Variants in LRRC7 observed in about 807,000 individuals in gnomAD.
LRRC7 encodes the protein leucine-rich repeat-containing protein 7.
Under a neutral mutation model 175.7 loss-of-function variants are expected in LRRC7, and 23 were observed. The ratio of observed to expected loss-of-function variants is 0.13; its 90% CI spans 0.09 to 0.19. LRRC7 has a LOEUF of 0.19. LRRC7 is among the 10% of genes least tolerant of loss of function. The pLI is 1.00. For synonymous variants in LRRC7, 685 were observed against 680.9 expected (o/e 1.01, Z -0.09); for missense variants, 1,354 against 1,904.7 (o/e 0.71, Z 5.38).
chr1:69,834,454 C>A (rs1012981588), intron 5 of LRRC7, among the ~76,000 whole-genome samples: 1 of 152,088 alleles, frequency 6.6e-6, no homozygotes, highest in African/African-American at 2.4e-5. Context: ...ACAAGCCAAA[C>A]AACTTGAGAT....
intron 26 of LRRC7, among the ~76,000 whole-genome samples, chr1:70,108,669 G>T (rs1449282332): frequency 6.6e-6 from 1 of 152,156 alleles, no homozygotes; most frequent in East Asian, 1.9e-4. Context: ...GCTGATATTT[G>T]ACCATCTGCA....
Position 70,131,195 on chromosome 1 carries a change from C to T in LRRC7, c.*9308C>T, listed in dbSNP as rs1273790402. Among the ~76,000 whole-genome samples the T allele has an allele frequency of 1.3e-5, 2 of 152,172 alleles. No homozygotes were observed. The highest frequency in any genetic ancestry group is 2.4e-5 in the African/African-American group (1 of 41,440). On this transcript the variant is annotated 3_prime_UTR_variant, in exon 27 of 27. Coordinates refer to ENST00000651989, the MANE Select transcript of LRRC7 (RefSeq NM_001370785.2). ...TAGAGATAGAATCTGGCCTGTTGAT[C>T]TCAAAGTAGAAAGAAAGCATGCTAT...
chr1:70,107,970 A>G, intron 26 of LRRC7, 144 bp downstream of exon 26: 1 of 717,594 alleles, frequency 1.4e-6, no homozygotes, highest in Non-Finnish European at 2.4e-6. Context: ...TGGGGCTGAA[A>G]GTCAAGTCAA....
At position 69,928,287 on chromosome 1, in the gene LRRC7, G is replaced by A. The variant is rs538510820; in HGVS notation, c.648-3220G>A. Among the ~76,000 whole-genome samples, 32 of 152,272 alleles carry A rather than the reference G, an allele frequency of 2.1e-4. No homozygotes were observed. The South Asian group carries it at 3.9e-3, about 19-fold the overall frequency. ...ACCCACTTGAGGAGGCAGTCTGCCC[G>A]TTCTCAGATCTCCAGCTGCGTGCTG... On this transcript the variant is annotated intron_variant, in intron 7 of 26. Coordinates refer to ENST00000651989, the MANE Select transcript of LRRC7 (RefSeq NM_001370785.2).
intron 22 of LRRC7, among the ~76,000 whole-genome samples, chr1:70,047,858 T>C (rs568765388): frequency 7.9e-5 from 12 of 152,152 alleles, no homozygotes; most frequent in Non-Finnish European, 1.3e-4. Context: ...TTCATTTATT[T>C]AGATGCTTAT....
intron 11 of LRRC7, among the ~76,000 whole-genome samples, chr1:69,998,533 A>G (rs1404555985): frequency 1.3e-5 from 2 of 152,176 alleles, no homozygotes; most frequent in Non-Finnish European, 2.9e-5. Context: ...AAAAGTAATT[A>G]TCTTTATCAG....
intron 8 of LRRC7, among the ~76,000 whole-genome samples, chr1:69,974,773 A>G (rs1652635668): frequency 6.6e-6 from 1 of 152,196 alleles, no homozygotes; most frequent in Non-Finnish European, 1.5e-5. Context: ...AACACATTTT[A>G]TTATAACATC....
chr1:69,788,553 C>G (rs1674757268), intron 3 of LRRC7, among the ~76,000 whole-genome samples: 1 of 152,186 alleles, frequency 6.6e-6, no homozygotes, highest in South Asian at 2.1e-4. Flanking sequence ...AGATTCAAGT[C>G]TCCTCATGTT....
rs11473590 is a variant in LRRC7 at position 69,617,547 on chromosome 1, T to TAAAAAAAAAAAAAAAAAAAAAAA, written c.2+48909_2+48931dup. ...GCTGAAGGTTGTTATATACTCACAGTAAAAAAAAAAAAAAAAAAAAAAAAA... is the reference window on the plus strand; with the variant it reads ...GCTGAAGGTTGTTATATACTCACAGTAAAAAAAAAAAAAAAAAAAAAAAAAAAAAAAAAAAAAAAAAAAAAAAA... On this transcript the variant is annotated intron_variant, in intron 1 of 26. Transcript: ENST00000651989. Among the ~76,000 whole-genome samples the TAAAAAAAAAAAAAAAAAAAAAAA allele has an allele frequency of 1.7e-3, 108 of 62,002 alleles. 9 individuals are homozygous for TAAAAAAAAAAAAAAAAAAAAAAA. The highest frequency in any genetic ancestry group is 0.016 in the Middle Eastern group (1 of 62). 40.7% of individuals were successfully genotyped at this position (62,002 alleles called of 152,430 possible).
intron 1 of LRRC7, among the ~76,000 whole-genome samples, chr1:69,592,549 G>A (rs61384003): frequency 3.3e-5 from 5 of 151,890 alleles, no homozygotes; most frequent in Non-Finnish European, 7.4e-5. Flanking sequence ...GGCGAAGATC[G>A]CCTGATTTGA....
rs1666966023 is a variant in LRRC7 at position 70,138,875 on chromosome 1, G to C, written c.*16988G>C. 6.6e-6 allele frequency: 1 copy of C among 152,170 alleles called. No individual in the cohort carries two copies. The highest frequency in any genetic ancestry group is 2.4e-5 in the African/African-American group (1 of 41,438). The allele number at this position is 152,170 out of a possible 1,614,324, so 9.4% of individuals were successfully genotyped here. A position where few individuals can be genotyped will look rare whatever the true frequency, so the allele number is the denominator to read the frequency against. On this transcript the variant is annotated 3_prime_UTR_variant, in exon 27 of 27. Coordinates refer to ENST00000651989, the MANE Select transcript of LRRC7 (RefSeq NM_001370785.2). ...GTCTTCCTCCAGGCATCAGCTACCT[G>C]ATTTTAAAGAGACCATATTAGAAAT... is the stretch of plus-strand genomic sequence containing the variant.
At chr1:69,571,602 G>A (rs1645741460) in intron 1 of LRRC7, among the ~76,000 whole-genome samples, 1 of 151,950 alleles carries the variant, frequency 6.6e-6, no homozygotes, top group Non-Finnish European at 1.5e-5. Context: ...CAAAAACTTG[G>A]TCTTGTTAAT....
intron 1 of LRRC7, among the ~76,000 whole-genome samples, chr1:69,591,253 C>A (rs1040150824): frequency 2.0e-5 from 3 of 152,016 alleles, no homozygotes; most frequent in African/African-American, 7.2e-5. Context: ...ACAATCAATG[C>A]CAAACAAACA....
In LRRC7 at chr1:70,007,296, T is replaced by G. The variant is rs148634842; in HGVS notation, c.1005-4501T>G. Among the ~76,000 whole-genome samples the G allele has an allele frequency of 2.6e-4, 40 of 152,276 alleles. No individual in the cohort carries two copies. In the East Asian group the frequency reaches 5.8e-3, roughly 22 times the overall value. On this transcript the variant is annotated intron_variant, in intron 11 of 26. Transcript: ENST00000651989. ...GTTTTAGGAATTCTGTGCCAAGAAC[T>G]GGATGAAGGTCAAATATGTATTTCT...
intron 2 of LRRC7, among the ~76,000 whole-genome samples, chr1:69,698,117 C>G (rs1184871401): frequency 6.6e-6 from 1 of 152,196 alleles, no homozygotes; most frequent in Non-Finnish European, 1.5e-5. Context: ...AGCAACAAGT[C>G]TGTCCTCTCC....
chr1:69,650,673 G>A (rs530492300), intron 1 of LRRC7, among the ~76,000 whole-genome samples: 8 of 152,000 alleles, frequency 5.3e-5, no homozygotes, highest in African/African-American at 1.4e-4. Context: ...TGATACACAC[G>A]TCTTTAAGCT....
intron 1 of LRRC7, among the ~76,000 whole-genome samples, chr1:69,626,317 T>G (rs1232442436): frequency 2.0e-5 from 3 of 151,700 alleles, no homozygotes; most frequent in Non-Finnish European, 4.4e-5. Context: ...GGGTATTTAT[T>G]GCCCTGGATC....
At chr1:69,847,943 C>T (rs1345927343) in intron 7 of LRRC7, among the ~76,000 whole-genome samples, 7 of 152,240 alleles carry the variant, frequency 4.6e-5, no homozygotes, top group African/African-American at 1.4e-4. Flanking sequence ...TTTCTGGCTT[C>T]GTTGCCTCCC....
At chr1:70,075,219 T>G (rs1014864610) in intron 23 of LRRC7, among the ~76,000 whole-genome samples, 1 of 152,138 alleles carries the variant, frequency 6.6e-6, no homozygotes, top group Admixed American at 6.5e-5. Context: ...GAAAGGCATA[T>G]TCTGGCTTAC....
Sources: allele counts gnomAD v4.1 joint callset (sites outside exome capture counted in the v4.1 genomes callset), GRCh38; gene constraint gnomAD v4.1.1; transcripts MANE v1.5; gene names NCBI Gene and HGNC (gene_info 2026-07-23, HGNC 2026-07-21).